The following CNTN5 variants were observed in gnomAD, a reference collection of about 807,000 sequenced individuals.
CNTN5 encodes the protein contactin 5, also known as contactin-5.
A neutral mutation model predicts 129.1 loss-of-function variants in CNTN5; 77 were observed. The ratio of observed to expected loss-of-function variants is 0.60; its 90% CI spans 0.50 to 0.72. The LOEUF (loss-of-function observed/expected upper bound fraction) is 0.72. Among genes scored for constraint, CNTN5 ranks in the 30% least tolerant of loss-of-function variants. The probability of loss-of-function intolerance (pLI) is 0.00; values close to 1 mark genes in which losing one functional copy is unlikely to be tolerated. For synonymous variants in CNTN5, 509 were observed against 465.6 expected (o/e 1.09, Z -1.20); for missense variants, 1,478 against 1,328.8 (o/e 1.11, Z -1.75).
chr11:99,773,937 A>C (rs11221321), intron 3 of CNTN5, among the ~76,000 whole-genome samples: 1 of 152,008 alleles, frequency 6.6e-6, no homozygotes, highest in Non-Finnish European at 1.5e-5. Flanking sequence ...GCAGCTTTTC[A>C]TGCCTATGTA....
chr11:99,117,542 C>T lies in CNTN5; in HGVS notation c.-210+96272C>T, dbSNP rs564364142. Among the ~76,000 whole-genome samples, 3 of 152,198 alleles carry T rather than the reference C, an allele frequency of 2.0e-5. No individual in the cohort carries two copies. In the East Asian group the frequency reaches 5.8e-4, roughly 29 times the overall value. On this transcript the variant is annotated intron_variant, in intron 1 of 24. Transcript: ENST00000524871. ...TGGTGTTACATAAATAGAATTTGTTCATTATCATTGTTAAATACATTTTCA... is the reference window on the plus strand; with the variant it reads ...TGGTGTTACATAAATAGAATTTGTTTATTATCATTGTTAAATACATTTTCA...
intron 3 of CNTN5, among the ~76,000 whole-genome samples, chr11:99,563,980 G>T (rs1402844377): frequency 1.3e-5 from 2 of 152,106 alleles, no homozygotes; most frequent in African/African-American, 4.8e-5. Context: ...CAGAGAGCAC[G>T]TACAGCAATA....
rs185135134 is a variant in CNTN5 at position 100,185,805 on chromosome 11, C to T, written c.1581-5321C>T. Among the ~76,000 whole-genome samples the T allele has an allele frequency of 1.9e-3, 290 of 152,282 alleles. 6 individuals carry two copies. Among genetic ancestry groups the T allele is most frequent in the Admixed American group, 0.017 (267 of 15,278 alleles). On this transcript the variant is annotated intron_variant, in intron 13 of 24. Coordinates refer to ENST00000524871, the MANE Select transcript of CNTN5 (RefSeq NM_014361.4). ...ACTGAGGAAAGGCCACGTGAGCACA[C>T]GGTGAGAAGGCAGCAATCTGCAAGC...
intron 24 of CNTN5, among the ~76,000 whole-genome samples, chr11:100,355,708 A>G (rs1444819226): frequency 1.3e-5 from 2 of 151,768 alleles, no homozygotes; most frequent in African/African-American, 4.8e-5. Context: ...TATGTAGTCC[A>G]TGGTGGACTG....
chr11:99,128,694 C>T (rs1482973559), intron 1 of CNTN5, among the ~76,000 whole-genome samples: 2 of 152,186 alleles, frequency 1.3e-5, no homozygotes, highest in African/African-American at 2.4e-5. Context: ...ACAGGGGTCA[C>T]CAGACACCTC....
chr11:99,442,370 A>G (rs1943869744), intron 2 of CNTN5, among the ~76,000 whole-genome samples: 1 of 152,042 alleles, frequency 6.6e-6, no homozygotes, highest in Non-Finnish European at 1.5e-5. Flanking sequence ...GGGTTTCACC[A>G]CATTGGCCAG....
At chr11:99,585,102 C>T (rs573187097) in intron 3 of CNTN5, among the ~76,000 whole-genome samples, 1 of 152,312 alleles carries the variant, frequency 6.6e-6, no homozygotes, top group African/African-American at 2.4e-5. Context: ...ACCAAACACA[C>T]AGTGTTACAA....
chr11:99,145,538 T>G (rs2135473885), intron 1 of CNTN5, among the ~76,000 whole-genome samples: 1 of 152,268 alleles, frequency 6.6e-6, no homozygotes. Context: ...TTCATTAAAA[T>G]TAAGATTAAA....
At chr11:99,141,002 G>A (rs1017417725) in intron 1 of CNTN5, among the ~76,000 whole-genome samples, 1 of 151,930 alleles carries the variant, frequency 6.6e-6, no homozygotes, top group African/African-American at 2.4e-5. Context: ...GAATGATGCT[G>A]GCCTCATAGA....
chr11:100,094,472 C>T (rs1944914655), intron 13 of CNTN5, among the ~76,000 whole-genome samples: 1 of 150,436 alleles, frequency 6.6e-6, no homozygotes, highest in African/African-American at 2.5e-5. Flanking sequence ...AGTCAGTCGA[C>T]TTTTAAACCT....
At chr11:99,993,492 G>T (rs1939253116) in intron 8 of CNTN5, among the ~76,000 whole-genome samples, 1 of 152,064 alleles carries the variant, frequency 6.6e-6, no homozygotes, top group African/African-American at 2.4e-5. Context: ...ACAGAGGGAT[G>T]GTTTCAGGAT....
chr11:99,950,484 T>TA (rs76765767), intron 7 of CNTN5, among the ~76,000 whole-genome samples: 12,168 of 151,992 alleles, frequency 0.08, 855 homozygotes, highest in East Asian at 0.32. Context: ...CCGTCTCAAG[T>TA]AAAAAAAATA....
intron 9 of CNTN5, among the ~76,000 whole-genome samples, chr11:100,041,424 G>T (rs546981454): frequency 6.6e-6 from 1 of 152,198 alleles, no homozygotes; most frequent in African/African-American, 2.4e-5. Context: ...CTAGAACATA[G>T]TAAGTACCTT....
chr11:100,002,168 A>T, intron 9 of CNTN5, 32 bp downstream of exon 9: 2 of 1,321,426 alleles, frequency 1.5e-6, no homozygotes, highest in South Asian at 1.5e-5. Context: ...ATTAAACACA[A>T]TTTTTTATTA....
intron 3 of CNTN5, among the ~76,000 whole-genome samples, chr11:99,779,284 G>A (rs1945232036): frequency 6.6e-6 from 1 of 151,848 alleles, no homozygotes; most frequent in South Asian, 2.1e-4. Flanking sequence ...CTCTCATCAA[G>A]GCATTTATTC....
chr11:99,491,259 T>C (rs913538878), intron 2 of CNTN5, among the ~76,000 whole-genome samples: 4 of 152,162 alleles, frequency 2.6e-5, no homozygotes, highest in African/African-American at 9.7e-5. Flanking sequence ...CTAAGAGTTG[T>C]GCCAGAGAAT....
intron 1 of CNTN5, among the ~76,000 whole-genome samples, chr11:99,092,502 A>T (rs1046135954): frequency 1.8e-4 from 28 of 152,186 alleles, no homozygotes; most frequent in Non-Finnish European, 3.8e-4. Context: ...TTGCACTTAT[A>T]AAAAACTACC....
At chr11:99,387,668 C>T (rs1591610436) in intron 2 of CNTN5, among the ~76,000 whole-genome samples, 1 of 152,048 alleles carries the variant, frequency 6.6e-6, no homozygotes, top group African/African-American at 2.4e-5. Context: ...TTTCTGGACT[C>T]CTGCTACTCA....
chr11:99,664,057 C>T (rs553600293), intron 3 of CNTN5, among the ~76,000 whole-genome samples: 1 of 152,196 alleles, frequency 6.6e-6, no homozygotes, highest in East Asian at 1.9e-4. Context: ...ATTGGAACGG[C>T]GCGGGTAGAG....
Sources: gnomAD v4.1 joint callset for allele counts (sites outside exome capture counted in the v4.1 genomes callset) on GRCh38, gnomAD v4.1.1 for gene constraint, MANE v1.5 for transcripts, NCBI Gene and HGNC (gene_info 2026-07-23, HGNC 2026-07-21) for gene names.